The following POPDC2 variants were observed in gnomAD, a reference collection of about 807,000 sequenced individuals.
The protein encoded by POPDC2 is popeye domain-containing protein 2.
POPDC2 carries 24 observed loss-of-function variants against 30.5 expected under a neutral mutation model. The ratio of observed to expected loss-of-function variants is 0.79; its 90% CI spans 0.57 to 1.11. POPDC2 has a LOEUF of 1.11. Ranked by LOEUF, POPDC2 falls within the 50% of genes least tolerant of loss-of-function variation. The pLI, the probability that POPDC2 is intolerant of heterozygous loss-of-function variation, is 0.00. For synonymous variants in POPDC2, 185 were observed against 183.3 expected (o/e 1.01, Z -0.07); for missense variants, 409 against 447.0 (o/e 0.91, Z 0.77).
intron 1 of POPDC2, among the ~76,000 whole-genome samples, chr3:119,655,146 G>T (rs2052865325): frequency 6.6e-6 from 1 of 152,024 alleles, no homozygotes; most frequent in Non-Finnish European, 1.5e-5. Context: ...GGCCAAGAGA[G>T]TGAAACCCCC....
chr3:119,648,100 C>T lies in POPDC2; in HGVS notation c.*43+19G>A. The T allele has an allele frequency of 7.0e-7, 1 of 1,436,706 alleles. No individual in the cohort carries two copies. Among genetic ancestry groups the T allele is most frequent in the Non-Finnish European group, 9.1e-7 (1 of 1,095,348 alleles). The allele number at this position is 1,436,706 out of a possible 1,614,324, so 89.0% of individuals were successfully genotyped here. A position where few individuals can be genotyped will look rare whatever the true frequency, so the allele number is the denominator to read the frequency against. The stretch of plus-strand genomic sequence containing the variant: ...AGCCATTGACAGGAATGTGCAGCGG[C>T]TGCCTTCTGAGTACTTACATAGGAT... On this transcript the variant is annotated intron_variant, in intron 3 of 3. Transcript: ENST00000493094.
chr3:119,645,550 G>A (rs1480034920), intron 3 of POPDC2, among the ~76,000 whole-genome samples: 2 of 130,822 alleles, frequency 1.5e-5, no homozygotes, highest in African/African-American at 5.8e-5. Flanking sequence ...GTGACAAAGC[G>A]AGACTCCGTC....
At chr3:119,653,759 G>C (rs923827208) in intron 2 of POPDC2, among the ~76,000 whole-genome samples, 1 of 152,126 alleles carries the variant, frequency 6.6e-6, no homozygotes, top group African/African-American at 2.4e-5. Context: ...TTACAGGCGT[G>C]AGCCACCGCG....
At chr3:119,654,656 G>A in intron 1 of POPDC2, 43 bp from the exon 2 acceptor site, 1 of 1,417,160 alleles carries the variant, frequency 7.1e-7, no homozygotes, top group Non-Finnish European at 1.0e-6. Flanking sequence ...AAGGAAAATG[G>A]CTCTCCAAGC....
At chr3:119,659,778 G>GA (rs1228477836) in intron 1 of POPDC2, among the ~76,000 whole-genome samples, 155 bp downstream of exon 1, 8 of 152,278 alleles carry the variant, frequency 5.3e-5, no homozygotes, top group Non-Finnish European at 8.8e-5. Flanking sequence ...CCCACTCTTA[G>GA]AAAAATCTAT....
chr3:119,654,406 T>G (rs1037131875), intron 2 of POPDC2, 99 bp downstream of exon 2: 543 of 790,388 alleles, frequency 6.9e-4, no homozygotes, highest in East Asian at 9.4e-4. Flanking sequence ...CTGGCAGGGG[T>G]GCGAAGGACA....
intron 1 of POPDC2, among the ~76,000 whole-genome samples, chr3:119,658,375 GC>G (rs2052901940): frequency 6.6e-6 from 1 of 152,156 alleles, no homozygotes; most frequent in African/African-American, 2.4e-5. Flanking sequence ...CCAAGGGCAA[GC>G]CCCCCTCTCC....
At chr3:119,650,672 G>A (rs988552883) in intron 2 of POPDC2, among the ~76,000 whole-genome samples, 5 of 152,138 alleles carry the variant, frequency 3.3e-5, no homozygotes, top group African/African-American at 9.6e-5. Context: ...CCAGGGCTCC[G>A]CTCTTGAACC....
chr3:119,651,771 G>A (rs1275971660), intron 2 of POPDC2, among the ~76,000 whole-genome samples: 1 of 151,982 alleles, frequency 6.6e-6, no homozygotes, highest in African/African-American at 2.4e-5. Flanking sequence ...GAGTAGCTGG[G>A]ATTATAGGCA....
In POPDC2 at chr3:119,654,613, C is replaced by T. The variant is rs778683476; in HGVS notation, c.492G>A (p.Arg164=). The T allele has an allele frequency of 3.1e-6, 5 of 1,612,428 alleles. No homozygotes were observed. The highest frequency in any genetic ancestry group is 2.7e-5 in the African/African-American group (2 of 74,866). ...INRLSLLLSG[R]VRVSQDGQFL... ...ACTGCCCATCCTGGCTCACACGAAC[C>T]CTGGCAAGGGAAGAGAAGAGATCAT... The change falls in exon 2 of 4, where the codon CGG becomes CGA. Residue 164 remains arginine (R), a splice_region_variant and synonymous_variant. Coordinates refer to ENST00000493094, the MANE Select transcript of POPDC2 (RefSeq NM_001369919.2).
intron 1 of POPDC2, 88 bp from the exon 2 acceptor site, chr3:119,654,701 T>G: frequency 1.1e-6 from 1 of 895,400 alleles, no homozygotes; most frequent in Non-Finnish European, 1.8e-6. Flanking sequence ...CTGATTAACA[T>G]GAATCTTCCT....
At chr3:119,647,661 T>A (rs2052760113) in intron 3 of POPDC2, among the ~76,000 whole-genome samples, 1 of 152,230 alleles carries the variant, frequency 6.6e-6, no homozygotes, top group Admixed American at 6.5e-5. Context: ...CTCTTTAAAA[T>A]ATGCAGTTTT....
Position 119,648,528 on chromosome 3 carries a change from A to G in POPDC2, c.741T>C (p.Thr247=). The G allele has an allele frequency of 6.2e-7, 1 of 1,614,014 alleles. No individual in the cohort carries two copies. Among genetic ancestry groups the G allele is most frequent in the Non-Finnish European group, 8.5e-7 (1 of 1,179,976 alleles). Residue 247 remains threonine, a synonymous_variant, in exon 3 of 4, where the codon ACT becomes ACC. Transcript: ENST00000493094. ...ACTTAGCAAAGAGCTTGTCATTGAG[A>G]GTGTAGAGCTTCTCTGAGATGTCAT... is the stretch of plus-strand genomic sequence containing the variant. ...LGYDISEKLY[T]LNDKLFAKFG...
intron 2 of POPDC2, 82 bp from the exon 3 acceptor site, chr3:119,648,750 G>A: frequency 8.1e-7 from 1 of 1,231,670 alleles, no homozygotes; most frequent in Non-Finnish European, 1.1e-6. Context: ...TCAGTCACTT[G>A]GCAAACAGCT....
chr3:119,645,487 C>T (rs2052735391), intron 3 of POPDC2, among the ~76,000 whole-genome samples: 1 of 145,506 alleles, frequency 6.9e-6, no homozygotes, highest in Admixed American at 7.2e-5. Flanking sequence ...GCGGTGAACC[C>T]GGGAGGCGGA....
At chr3:119,647,372 G>A (rs993211660) in intron 3 of POPDC2, among the ~76,000 whole-genome samples, 12 of 152,320 alleles carry the variant, frequency 7.9e-5, no homozygotes, top group African/African-American at 2.6e-4. Flanking sequence ...GAACCACTGG[G>A]CACAGCCTTT....
chr3:119,642,335 CA>C lies in POPDC2; in HGVS notation c.*269del. Reference sequence around the variant, plus strand: ...TCACTTCAGGTCCTTACTGTAGCGACAGTGTTGGCACCTTCTGTGTCCTCTC... The same window carrying C: ...TCACTTCAGGTCCTTACTGTAGCGACGTGTTGGCACCTTCTGTGTCCTCTC... On this transcript the variant is annotated 3_prime_UTR_variant, in exon 4 of 4. Transcript: ENST00000493094. The C allele has an allele frequency of 1.6e-6, 1 of 608,406 alleles. No homozygotes were observed. The highest frequency in any genetic ancestry group is 3.0e-6 in the Non-Finnish European group (1 of 337,330). 37.7% of individuals were successfully genotyped at this position (608,406 alleles called of 1,614,324 possible).
intron 3 of POPDC2, among the ~76,000 whole-genome samples, chr3:119,644,130 G>A (rs1173669020): frequency 1.3e-5 from 2 of 152,162 alleles, no homozygotes; most frequent in East Asian, 3.9e-4. Context: ...CCTGTCGAGG[G>A]GCTCCTTCCC....
intron 2 of POPDC2, among the ~76,000 whole-genome samples, chr3:119,651,793 C>T (rs2052814497): frequency 1.3e-5 from 2 of 152,174 alleles, no homozygotes; most frequent in South Asian, 4.1e-4. Flanking sequence ...CTGCCACCAC[C>T]CTGGCTAATT....
Sources: gnomAD v4.1 joint callset for allele counts (sites outside exome capture counted in the v4.1 genomes callset) on GRCh38, gnomAD v4.1.1 for gene constraint, MANE v1.5 for transcripts, NCBI Gene and HGNC (gene_info 2026-07-23, HGNC 2026-07-21) for gene names.